The following ZMYM5 variants were observed in gnomAD, a reference collection of about 807,000 sequenced individuals.
ZMYM5 encodes the protein zinc finger MYM-type containing 5, also known as zinc finger MYM-type protein 5.
ZMYM5 carries 41 observed loss-of-function variants against 61.8 expected under a neutral mutation model. That is an observed-to-expected ratio of 0.66 (90% CI 0.52 to 0.86). The LOEUF is 0.86. ZMYM5 is among the 40% of genes least tolerant of loss of function. The probability of loss-of-function intolerance (pLI) is 0.00; values close to 1 mark genes in which losing one functional copy is unlikely to be tolerated. For missense variants in ZMYM5, 706 were observed against 786.7 expected (o/e 0.90, Z 1.23); for synonymous variants, 257 against 276.4 (o/e 0.93, Z 0.70).
chr13:19,860,245 C>T (rs1222103767), intron 2 of ZMYM5, among the ~76,000 whole-genome samples: 2 of 150,962 alleles, frequency 1.3e-5, no homozygotes, highest in African/African-American at 4.9e-5. Context: ...CCTGGCTCAG[C>T]CTCCTGAGTA....
chr13:19,855,908 C>G (rs888680052), intron 2 of ZMYM5, among the ~76,000 whole-genome samples: 1 of 151,532 alleles, frequency 6.6e-6, no homozygotes, highest in African/African-American at 2.4e-5. Context: ...CCCAGCTACT[C>G]GGGAGGCTGA....
At position 19,852,124 on chromosome 13, in the gene ZMYM5, T is replaced by C; in HGVS notation, c.57A>G (p.Leu19=). Residue 19 remains leucine, a synonymous_variant, in exon 3 of 8, where the codon TTA becomes TTG. Transcript: ENST00000337963. The stretch of plus-strand genomic sequence containing the variant: ...GACTAGTTGCCATGGCCATATTCCC[T>C]AATAAAGCAGGAGTCTGTTCAGTCA... The part of the protein sequence containing the change: ...LELTEQTPAL[L]GNMAMATSLM... 4 of 1,613,190 alleles carry C rather than the reference T, an allele frequency of 2.5e-6. No individual in the cohort carries two copies. Among genetic ancestry groups the C allele is most frequent in the Non-Finnish European group, 3.4e-6 (4 of 1,179,974 alleles).
At chr13:19,839,720 ATC>A (rs1952797981) in intron 4 of ZMYM5, among the ~76,000 whole-genome samples, 1 of 152,102 alleles carries the variant, frequency 6.6e-6, no homozygotes. Context: ...CAATCAATCC[ATC>A]TCTTTCTATG....
At chr13:19,863,040 T>C (rs1374285107) in intron 1 of ZMYM5, among the ~76,000 whole-genome samples, 1 of 152,194 alleles carries the variant, frequency 6.6e-6, no homozygotes, top group Non-Finnish European at 1.5e-5. Flanking sequence ...CCGAAAAACC[T>C]GGGGACCTCG....
intron 6 of ZMYM5, among the ~76,000 whole-genome samples, chr13:19,836,125 G>A (rs1952668366): frequency 6.6e-6 from 1 of 151,996 alleles, no homozygotes; most frequent in Non-Finnish European, 1.5e-5. Flanking sequence ...TGCCTAGCTG[G>A]GAAAAGATTT....
In ZMYM5 at chr13:19,823,659, A is replaced by G. The variant is rs1408406819; in HGVS notation, c.*818T>C. On this transcript the variant is annotated 3_prime_UTR_variant, in exon 8 of 8. Transcript: ENST00000337963. The stretch of plus-strand genomic sequence containing the variant: ...ACAAATAATGCTGTTTTGCTCAAAC[A>G]AAGTAGATCACAAGTATTTGGTTTA... The G allele has an allele frequency of 1.3e-5, 2 of 152,208 alleles. No individual in the cohort carries two copies. The highest frequency in any genetic ancestry group is 2.9e-5 in the Non-Finnish European group (2 of 68,048). The allele number at this position is 152,208 out of a possible 1,614,324, so 9.4% of individuals were successfully genotyped here.
chr13:19,824,347 T>C lies in ZMYM5; in HGVS notation c.*130A>G, dbSNP rs1014547967. On this transcript the variant is annotated 3_prime_UTR_variant, in exon 8 of 8. Transcript: ENST00000337963. ...TGCTATTTATTTGCTATCATACTTA[T>C]TGCTAAGGAACTGCTGCAAGTTACT... 2.5e-5 allele frequency: 17 copies of C among 680,000 alleles called. No individual in the cohort carries two copies. The highest frequency in any genetic ancestry group is 3.0e-5 in the Non-Finnish European group (16 of 529,508). 42.1% of individuals were successfully genotyped at this position (680,000 alleles called of 1,614,324 possible).
At chr13:19,831,941 C>T (rs938808937) in intron 7 of ZMYM5, among the ~76,000 whole-genome samples, 9 of 151,592 alleles carry the variant, frequency 5.9e-5, no homozygotes, top group Admixed American at 2.0e-4. Flanking sequence ...CTGCAACCTC[C>T]GCCTCCCAGG....
Position 19,848,449 on chromosome 13 carries a change from T to C in ZMYM5, c.586+2906A>G, listed in dbSNP as rs190456211. Among the ~76,000 whole-genome samples the C allele has an allele frequency of 3.3e-5, 5 of 151,860 alleles. No individual in the cohort carries two copies. In the East Asian group the frequency reaches 9.7e-4, roughly 29 times the overall value. On this transcript the variant is annotated intron_variant, in intron 4 of 7. Transcript: ENST00000337963. ...GATGTGAGCTACTACGTCCATCCAT[T>C]ATTATTATTTTTTAAAGACATTAGG...
At chr13:19,842,260 T>C (rs964319830) in intron 4 of ZMYM5, among the ~76,000 whole-genome samples, 1 of 152,178 alleles carries the variant, frequency 6.6e-6, no homozygotes, top group African/African-American at 2.4e-5. Context: ...CAGGGGGCTG[T>C]CAAGAGCCAG....
rs554272658 is a variant in ZMYM5 at position 19,824,848 on chromosome 13, T to G, written c.1639A>C (p.Asn547His). ...GTATTATCTTTTGGAAAGTTAAAATTTCTTACTTGAGGCGGAACATTTTCA... is the reference window on the plus strand; with the variant it reads ...GTATTATCTTTTGGAAAGTTAAAATGTCTTACTTGAGGCGGAACATTTTCA... The part of the protein sequence containing the change: ...LVENVPPQVR[N>H]FNFPKDNTGR... Residue 547 changes from asparagine (N) to histidine (H), a missense_variant, in exon 8 of 8, where the codon AAT becomes CAT. Asn to His is a moderately conservative substitution (Grantham distance 68). This residue lies in a region of ZMYM5 where 226 missense variants were observed against 325.0 expected (regional missense o/e 0.70). Transcript: ENST00000337963. 3 of 1,352,330 alleles carry G rather than the reference T, an allele frequency of 2.2e-6. No homozygotes were observed. The African/African-American group carries it at 4.4e-5, about 20-fold the overall frequency. The allele number at this position is 1,352,330 out of a possible 1,614,324, so 83.8% of individuals were successfully genotyped here.
intron 7 of ZMYM5, among the ~76,000 whole-genome samples, chr13:19,834,475 A>G (rs2138507255): frequency 6.6e-6 from 1 of 151,030 alleles, no homozygotes; most frequent in Non-Finnish European, 1.5e-5. Flanking sequence ...TTTTGTAGAG[A>G]CAGGGTCTGG....
At chr13:19,858,147 T>A (rs910285000) in intron 2 of ZMYM5, among the ~76,000 whole-genome samples, 11 of 150,654 alleles carry the variant, frequency 7.3e-5, no homozygotes, top group African/African-American at 2.7e-4. Context: ...CAGTGAGCTA[T>A]GACCACACCA....
chr13:19,844,072 A>G (rs1390885606), intron 4 of ZMYM5, among the ~76,000 whole-genome samples: 1 of 148,998 alleles, frequency 6.7e-6, no homozygotes, highest in Non-Finnish European at 1.5e-5. Context: ...CGGGAGGCAG[A>G]GCTTTCAGTG....
chr13:19,858,877 G>A (rs1953611733), intron 2 of ZMYM5, among the ~76,000 whole-genome samples: 1 of 152,282 alleles, frequency 6.6e-6, no homozygotes, highest in African/African-American at 2.4e-5. Flanking sequence ...GCTAAGAAAA[G>A]AGGTTGAGAG....
At position 19,824,329 on chromosome 13, in the gene ZMYM5, T is replaced by C; in HGVS notation, c.*148A>G. 1 of 482,798 alleles carries C rather than the reference T, an allele frequency of 2.1e-6. No individual in the cohort carries two copies. Among genetic ancestry groups the C allele is most frequent in the African/African-American group, 2.1e-5 (1 of 47,678 alleles). 29.9% of individuals were successfully genotyped at this position (482,798 alleles called of 1,614,324 possible). ...TAGAATGGAAACATTCTTTGCTATT[T>C]ATTTGCTATCATACTTATTGCTAAG... On this transcript the variant is annotated 3_prime_UTR_variant, in exon 8 of 8. Coordinates refer to ENST00000337963, the MANE Select transcript of ZMYM5 (RefSeq NM_001142684.2).
intron 2 of ZMYM5, among the ~76,000 whole-genome samples, chr13:19,859,844 C>T (rs1205381680): frequency 1.3e-5 from 2 of 151,246 alleles, no homozygotes; most frequent in African/African-American, 4.8e-5. Flanking sequence ...GTAGTGGGTG[C>T]CTATCATCCC....
chr13:19,837,599 A>G (rs1216932612), intron 6 of ZMYM5, 57 bp downstream of exon 6: 1 of 1,605,308 alleles, frequency 6.2e-7, no homozygotes, highest in Admixed American at 1.7e-5. Context: ...AATAGCACTT[A>G]AAAGTTAAAA....
intron 7 of ZMYM5, among the ~76,000 whole-genome samples, chr13:19,832,804 G>C (rs1952567597): frequency 6.6e-6 from 1 of 151,910 alleles, no homozygotes; most frequent in African/African-American, 2.4e-5. Context: ...TCATTCTGTT[G>C]CCCAGGGTGG....
Sources: allele counts gnomAD v4.1 joint callset (sites outside exome capture counted in the v4.1 genomes callset), GRCh38; gene constraint gnomAD v4.1.1; regional missense constraint gnomAD v4.1.1; transcripts MANE v1.5; gene names NCBI Gene and HGNC (gene_info 2026-07-23, HGNC 2026-07-21).